PIAS1: variants seen among roughly 807,000 people sequenced by gnomAD.
PIAS1 encodes the protein E3 SUMO-protein ligase PIAS1.
PIAS1 carries 6 observed loss-of-function variants against 71.3 expected under a neutral mutation model. The observed-to-expected ratio is 0.08, with a 90% confidence interval of 0.05 to 0.17. The LOEUF (loss-of-function observed/expected upper bound fraction) is 0.17. PIAS1 is among the 10% of genes least tolerant of loss of function. PIAS1 has a pLI of 1.00. For synonymous variants in PIAS1, 303 were observed against 292.9 expected (o/e 1.03, Z -0.35); for missense variants, 555 against 793.6 (o/e 0.70, Z 3.61).
chr15:68,144,929 A>G (rs2092797788), intron 4 of PIAS1, among the ~76,000 whole-genome samples: 1 of 152,104 alleles, frequency 6.6e-6, no homozygotes, highest in African/African-American at 2.4e-5. Flanking sequence ...TGTTGAGAGG[A>G]GTTGTTGGCA....
chr15:68,144,188 A>G (rs531579255), intron 4 of PIAS1, among the ~76,000 whole-genome samples: 1 of 151,300 alleles, frequency 6.6e-6, no homozygotes, highest in African/African-American at 2.4e-5. Flanking sequence ...TTGTGTTTTA[A>G]TAAAACAGTT....
At chr15:68,145,775 T>A in intron 4 of PIAS1, 41 bp from the exon 5 acceptor site, 1 of 1,116,144 alleles carries the variant, frequency 9.0e-7, no homozygotes, top group Non-Finnish European at 1.4e-6. Flanking sequence ...AATGAAGTCA[T>A]CCTTTAATAA....
intron 2 of PIAS1, among the ~76,000 whole-genome samples, chr15:68,108,161 A>G (rs2092488603): frequency 6.6e-6 from 1 of 152,192 alleles, no homozygotes; most frequent in African/African-American, 2.4e-5. Context: ...TCAGCGTGGC[A>G]AAATTCCATA....
At chr15:68,158,306 CAA>C (rs2092904232) in intron 7 of PIAS1, among the ~76,000 whole-genome samples, 1 of 152,126 alleles carries the variant, frequency 6.6e-6, no homozygotes, top group Non-Finnish European at 1.5e-5. Flanking sequence ...CATTCCATTC[CAA>C]AAATATGGAA....
At chr15:68,073,106 C>T in intron 1 of PIAS1, among the ~76,000 whole-genome samples, 1 of 152,180 alleles carries the variant, frequency 6.6e-6, no homozygotes, top group East Asian at 1.9e-4. Context: ...ACCTCCGCCT[C>T]CTGGGTTCAT....
At chr15:68,081,254 T>C (rs2092225568) in intron 1 of PIAS1, among the ~76,000 whole-genome samples, 1 of 152,198 alleles carries the variant, frequency 6.6e-6, no homozygotes, top group South Asian at 2.1e-4. Context: ...CTTAGAACAC[T>C]AGAAGCCAGC....
chr15:68,132,328 A>G (rs547027519), intron 2 of PIAS1, among the ~76,000 whole-genome samples: 6 of 151,078 alleles, frequency 4.0e-5, no homozygotes, highest in African/African-American at 1.5e-4. Flanking sequence ...AATACAAAAA[A>G]TCAGGGCGTG....
chr15:68,123,480 A>G (rs541324490), intron 2 of PIAS1, among the ~76,000 whole-genome samples: 6 of 152,320 alleles, frequency 3.9e-5, no homozygotes, highest in African/African-American at 7.2e-5. Context: ...TTTCTTGTCT[A>G]TAAGTCTTGG....
At chr15:68,129,147 G>A (rs549851168) in intron 2 of PIAS1, among the ~76,000 whole-genome samples, 2 of 152,056 alleles carry the variant, frequency 1.3e-5, no homozygotes, top group South Asian at 4.2e-4. Context: ...CTGTAACCTC[G>A]AACTACAGGG....
At position 68,075,559 on chromosome 15, in the gene PIAS1, TG is replaced by T. The variant is rs199812359; in HGVS notation, c.25-10746del. Among the ~76,000 whole-genome samples, 906 of 152,308 alleles carry T rather than the reference TG, an allele frequency of 5.9e-3. 9 individuals are homozygous for T. The highest frequency in any genetic ancestry group is 0.02 in the African/African-American group (846 of 41,566). On this transcript the variant is annotated intron_variant, in intron 1 of 13. Coordinates refer to ENST00000249636, the MANE Select transcript of PIAS1 (RefSeq NM_016166.3). ...CTTTACATAGACTAAAGGATGCTTT[TG>T]TTGTGAAATTATTTCTCTTATCTGT...
chr15:68,086,826 TTTA>T lies in PIAS1; in HGVS notation c.469+82_469+84del, dbSNP rs1431437070. 3 of 766,258 alleles carry T rather than the reference TTTA, an allele frequency of 3.9e-6. No individual in the cohort carries two copies. The highest frequency in any genetic ancestry group is 5.2e-5 in the East Asian group (2 of 38,768). The allele number at this position is 766,258 out of a possible 1,614,324, so 47.5% of individuals were successfully genotyped here. A position where few individuals can be genotyped will look rare whatever the true frequency, so the allele number is the denominator to read the frequency against. ...GTTTTAGGCTTTTACTTTGACCCAG[TTTA>T]TTATTCATAATGAAATTTTCATTTG... On this transcript the variant is annotated intron_variant, in intron 2 of 13. Transcript: ENST00000249636. This position sits in a 1 kb window ranked among gnomAD's most constrained non-coding sequence, Gnocchi z 7.2.
chr15:68,142,324 C>A lies in PIAS1; in HGVS notation c.589C>A (p.Gln197Lys). The stretch of plus-strand genomic sequence containing the variant: ...TGGGACCAAATGTGACTTCACAGTA[C>A]AGGTCCAGTTAAGGTACAGTGCTGA... ...ISGTKCDFTV[Q>K]VQLRFCLSET... The change falls in exon 4 of 14, where the codon CAG becomes AAG. Residue 197 changes from glutamine (Q) to lysine (K), a missense_variant. Gln to Lys is a moderately conservative substitution (Grantham distance 53). Around this residue, in one of 5 missense-constraint regions of PIAS1, gnomAD observed 134 missense variants for 203.4 expected, o/e 0.66. Coordinates refer to ENST00000249636, the MANE Select transcript of PIAS1 (RefSeq NM_016166.3). 1 of 1,603,058 alleles carries A rather than the reference C, an allele frequency of 6.2e-7. No homozygotes were observed. Among genetic ancestry groups the A allele is most frequent in the Non-Finnish European group, 8.5e-7 (1 of 1,170,630 alleles).
In PIAS1 at chr15:68,054,493, G is replaced by T; in HGVS notation, c.24+143G>T. 2.4e-6 allele frequency: 2 copies of T among 843,188 alleles called. No homozygotes were observed. Among genetic ancestry groups the T allele is most frequent in the Non-Finnish European group, 3.6e-6 (2 of 554,120 alleles). 52.2% of individuals were successfully genotyped at this position (843,188 alleles called of 1,614,324 possible). ...AGTTGTAGGGAGAGAGGCGCGCCCG[G>T]TCTCAGCAGAGGGGGCCCGCCTGCG... On this transcript the variant is annotated intron_variant, in intron 1 of 13. Coordinates refer to ENST00000249636, the MANE Select transcript of PIAS1 (RefSeq NM_016166.3). This position sits in a 1 kb window ranked among gnomAD's most constrained non-coding sequence, Gnocchi z 4.6.
chr15:68,170,780 C>G (rs1409538224), intron 8 of PIAS1, among the ~76,000 whole-genome samples: 1 of 151,738 alleles, frequency 6.6e-6, no homozygotes, highest in African/African-American at 2.4e-5. Context: ...AGCTGGGATC[C>G]CAGACGTGTG....
At position 68,168,251 on chromosome 15, in the gene PIAS1, C is replaced by T. The variant is rs146866606; in HGVS notation, c.1008+3447C>T. ...CTGGAACTCCTGACCTCAAGTGATCCGCTTGCCTCAGCCTCCCAAAGTGAT... is the reference window on the plus strand; with the variant it reads ...CTGGAACTCCTGACCTCAAGTGATCTGCTTGCCTCAGCCTCCCAAAGTGAT... On this transcript the variant is annotated intron_variant, in intron 8 of 13. Coordinates refer to ENST00000249636, the MANE Select transcript of PIAS1 (RefSeq NM_016166.3). 9.5e-4 allele frequency among the ~76,000 whole-genome samples: 144 copies of T among 151,894 alleles called. 1 individual carries two copies. Among genetic ancestry groups the T allele is most frequent in the African/African-American group, 2.8e-3 (116 of 41,400 alleles).
chr15:68,100,254 T>C (rs2092411796), intron 2 of PIAS1, among the ~76,000 whole-genome samples: 1 of 152,206 alleles, frequency 6.6e-6, no homozygotes, highest in Non-Finnish European at 1.5e-5. Flanking sequence ...GGACATAACA[T>C]TGGTACAATA....
chr15:68,096,525 T>G (rs1406761059), intron 2 of PIAS1, among the ~76,000 whole-genome samples: 2 of 152,122 alleles, frequency 1.3e-5, no homozygotes, highest in Non-Finnish European at 2.9e-5. Flanking sequence ...TTGAGTATTA[T>G]GGACATTTAA....
rs2093101915 is a variant in PIAS1, at chr15:68,188,431, T to C, written c.*596T>C. On this transcript the variant is annotated 3_prime_UTR_variant, in exon 14 of 14. Transcript: ENST00000249636. ...CATGGCTCGTGGGTGTGTGTGTTCA[T>C]TGTGTGCGTCTGTATGTATTTTTCT... The C allele has an allele frequency of 1.3e-5, 2 of 153,108 alleles. No homozygotes were observed. The highest frequency in any genetic ancestry group is 4.8e-5 in the African/African-American group (2 of 41,448). The allele number at this position is 153,108 out of a possible 1,614,324, so 9.5% of individuals were successfully genotyped here.
intron 1 of PIAS1, among the ~76,000 whole-genome samples, chr15:68,074,505 A>G (rs567696813): frequency 1.6e-3 from 247 of 152,334 alleles, no homozygotes; most frequent in Non-Finnish European, 3.1e-3. Flanking sequence ...CATTGGCTGC[A>G]TTGAGTATTT....
Sources: gnomAD v4.1 joint callset for allele counts (sites outside exome capture counted in the v4.1 genomes callset) on GRCh38, gnomAD v4.1.1 for gene constraint, gnomAD v4.1.1 regional missense constraint, Gnocchi (gnomAD v3.1) non-coding constraint, MANE v1.5 for transcripts, NCBI Gene and HGNC (gene_info 2026-07-23, HGNC 2026-07-21) for gene names.